SIRT2: variants seen among roughly 807,000 people sequenced by gnomAD.
SIRT2 encodes the protein NAD-dependent protein deacetylase sirtuin-2.
Under a neutral mutation model 57.4 loss-of-function variants are expected in SIRT2, and 40 were observed. That is an observed-to-expected ratio of 0.70 (90% CI 0.54 to 0.91). The LOEUF is 0.91. SIRT2 is among the 40% of genes least tolerant of loss of function. The probability of loss-of-function intolerance (pLI) is 0.00; values close to 1 mark genes in which losing one functional copy is unlikely to be tolerated. For missense variants in SIRT2, 439 were observed against 510.4 expected (o/e 0.86, Z 1.35); for synonymous variants, 161 against 195.7 (o/e 0.82, Z 1.48).
In SIRT2 at chr19:38,879,614, C is replaced by A; in HGVS notation, c.947+18G>T. ...CCCTGTCCCTTCCAGGCTGCCCCAA[C>A]CCCCGGCGGGGCCTCACCTGTAGGC... is the stretch of plus-strand genomic sequence containing the variant. On this transcript the variant is annotated intron_variant, in intron 14 of 15. Transcript: ENST00000249396. 3 of 1,563,030 alleles carry A rather than the reference C, an allele frequency of 1.9e-6. No homozygotes were observed. The highest frequency in any genetic ancestry group is 2.6e-6 in the Non-Finnish European group (3 of 1,153,264).
Position 38,879,629 on chromosome 19 carries a change from C to T in SIRT2, c.947+3G>A. ...GCTGCCCCAACCCCCGGCGGGGCCT[C>T]ACCTGTAGGCCTTCTTGGAGTCAAA... On this transcript the variant is annotated splice_donor_region_variant and intron_variant, in intron 14 of 15. Coordinates refer to ENST00000249396, the MANE Select transcript of SIRT2 (RefSeq NM_012237.4). 6.4e-7 allele frequency: 1 copy of T among 1,568,888 alleles called. No individual in the cohort carries two copies. The highest frequency in any genetic ancestry group is 2.4e-5 in the East Asian group (1 of 42,148).
chr19:38,896,518 T>A (rs1973721979), intron 2 of SIRT2, among the ~76,000 whole-genome samples: 1 of 152,132 alleles, frequency 6.6e-6, no homozygotes, highest in Admixed American at 6.6e-5. Flanking sequence ...CGGCCTCACC[T>A]CGTTTTTCAG....
intron 15 of SIRT2, 60 bp from the exon 16 acceptor site, chr19:38,879,370 C>G: frequency 6.2e-7 from 1 of 1,604,412 alleles, no homozygotes; most frequent in Non-Finnish European, 8.5e-7. Context: ...TCAGAGGACC[C>G]ATGGGGTGGG....
chr19:38,886,656 C>T (rs1973350721), intron 8 of SIRT2, among the ~76,000 whole-genome samples: 1 of 144,692 alleles, frequency 6.9e-6, no homozygotes, highest in Admixed American at 7.1e-5. Flanking sequence ...GAGTCTTGCT[C>T]TGTTGCCCAG....
Position 38,879,450 on chromosome 19 carries a change from T to C in SIRT2, c.998A>G (p.Glu333Gly). The part of the protein sequence containing the change: ...ECDQGCLALA[E>G]LLGWKKELED... Reference sequence around the variant, plus strand: ...GCTCCTCACCTTCCATCCAAGGAGCTCAGCAAGGGCCAGGCAGCCCTGGTC... The same window carrying C: ...GCTCCTCACCTTCCATCCAAGGAGCCCAGCAAGGGCCAGGCAGCCCTGGTC... Residue 333 changes from glutamate to glycine, a missense_variant, in exon 15 of 16, where the codon GAG becomes GGG. By Grantham distance (98) the Glu-to-Gly change is moderately conservative. Transcript: ENST00000249396. The C allele has an allele frequency of 6.3e-7, 1 of 1,597,542 alleles. No individual in the cohort carries two copies. The highest frequency in any genetic ancestry group is 8.5e-7 in the Non-Finnish European group (1 of 1,171,920).
chr19:38,895,813 C>T (rs187022129), intron 2 of SIRT2, among the ~76,000 whole-genome samples: 116 of 152,244 alleles, frequency 7.6e-4, no homozygotes, highest in African/African-American at 2.6e-3. Flanking sequence ...TGGCTCACGC[C>T]TGTAATCCCA....
Position 38,879,279 on chromosome 19 carries a change from T to A in SIRT2, c.1046A>T (p.His349Leu). 6.2e-7 allele frequency: 1 copy of A among 1,613,088 alleles called. No individual in the cohort carries two copies. The change falls in exon 16 of 16, where the codon CAC (histidine) becomes CTC (leucine). Residue 349 changes from histidine (H) to leucine (L), a missense_variant. By Grantham distance (99) the His-to-Leu change is moderately conservative. Coordinates refer to ENST00000249396, the MANE Select transcript of SIRT2 (RefSeq NM_012237.4). ...KELEDLVRREHASIDAQSGAG... is the reference protein window; with the variant it reads ...KELEDLVRRELASIDAQSGAG... ...CCCCGACTGGGCATCTATGCTGGCG[T>A]GCTCCCTCCGGACAAGGTCCTCCAG...
At chr19:38,899,241 G>A (rs775791917) in intron 1 of SIRT2, among the ~76,000 whole-genome samples, 1 of 152,114 alleles carries the variant, frequency 6.6e-6, no homozygotes, top group Non-Finnish European at 1.5e-5. Flanking sequence ...TCTTTGCAGC[G>A]AGGGACCTTA....
chr19:38,890,183 G>T (rs1459123215), intron 4 of SIRT2, 39 bp from the exon 5 acceptor site: 4 of 1,609,844 alleles, frequency 2.5e-6, no homozygotes, highest in Non-Finnish European at 2.6e-6. Context: ...GACACCGTTT[G>T]CTCAGTCCCT....
intron 8 of SIRT2, 138 bp from the exon 9 acceptor site, chr19:38,883,894 T>A: frequency 1.2e-6 from 1 of 838,734 alleles, no homozygotes; most frequent in Non-Finnish European, 1.9e-6. Flanking sequence ...GAGAAGCAAG[T>A]GGCAGGGTTT....
intron 4 of SIRT2, chr19:38,891,793 C>T: frequency 2.2e-6 from 1 of 455,006 alleles, no homozygotes; most frequent in Non-Finnish European, 4.6e-6. Context: ...GAGCCAATTA[C>T]CCCAGAATCC....
chr19:38,881,690 C>T (rs945629702), intron 9 of SIRT2, among the ~76,000 whole-genome samples, 199 bp from the exon 10 acceptor site: 2 of 151,092 alleles, frequency 1.3e-5, no homozygotes, highest in Non-Finnish European at 3.0e-5. Context: ...TTGTTTTTTT[C>T]TTTCTTTTTT....
intron 13 of SIRT2, chr19:38,879,944 A>G: frequency 2.0e-6 from 1 of 495,728 alleles, no homozygotes; most frequent in Non-Finnish European, 3.6e-6. Flanking sequence ...TCCCGCCTCA[A>G]CCTCCCGAGT....
intron 4 of SIRT2, 42 bp from the exon 5 acceptor site, chr19:38,890,186 C>T (rs1038140377): frequency 6.2e-7 from 1 of 1,608,502 alleles, no homozygotes; most frequent in African/African-American, 1.3e-5. Context: ...ACCGTTTGCT[C>T]AGTCCCTACG....
At position 38,888,122 on chromosome 19, in the gene SIRT2, T is replaced by G. The variant is rs533109250; in HGVS notation, c.501+965A>C. 2.0e-5 allele frequency among the ~76,000 whole-genome samples: 3 copies of G among 152,298 alleles called. No homozygotes were observed. In the East Asian group the frequency reaches 5.8e-4, roughly 29 times the overall value. ...GAATTAATACTGTTGTAGTGCATCA[T>G]GTCATTTCTATACATATTCATAAAA... On this transcript the variant is annotated intron_variant, in intron 8 of 15. Transcript: ENST00000249396.
At chr19:38,894,659 C>G (rs4801934) in intron 2 of SIRT2, among the ~76,000 whole-genome samples, 67,839 of 151,422 alleles carry the variant, frequency 0.45, 17,569 homozygotes, top group East Asian at 0.84. Context: ...AAGCCTTGGC[C>G]CTCACTTCAA....
chr19:38,893,644 G>A, intron 3 of SIRT2, 117 bp from the exon 4 acceptor site: 1 of 1,168,668 alleles, frequency 8.6e-7, no homozygotes, highest in Non-Finnish European at 1.2e-6. Flanking sequence ...AAAGGCACAA[G>A]GCCCGGCCCA....
intron 8 of SIRT2, among the ~76,000 whole-genome samples, chr19:38,885,824 C>T (rs1250621175): frequency 6.6e-6 from 1 of 151,676 alleles, no homozygotes; most frequent in Non-Finnish European, 1.5e-5. Context: ...CTCCTGACCT[C>T]GTGATCTGCC....
rs1221880190 is a variant in SIRT2, at chr19:38,880,124, C to G, written c.877-422G>C. On this transcript the variant is annotated intron_variant, in intron 13 of 15. Transcript: ENST00000249396. This position sits in a 1 kb window ranked among gnomAD's most constrained non-coding sequence, Gnocchi z 4.1. ...ACAGGCGTGAGCCATTGCGCCCAGC[C>G]AGCTCAGTGACTTTGGTCAAGTGAC... is the stretch of plus-strand genomic sequence containing the variant. 5.2e-6 allele frequency: 1 copy of G among 193,860 alleles called. No homozygotes were observed. Among genetic ancestry groups the G allele is most frequent in the Non-Finnish European group, 1.1e-5 (1 of 92,874 alleles). The allele number at this position is 193,860 out of a possible 1,614,324, so 12.0% of individuals were successfully genotyped here. A position where few individuals can be genotyped will look rare whatever the true frequency, so the allele number is the denominator to read the frequency against.
Sources: gnomAD v4.1 joint callset for allele counts (sites outside exome capture counted in the v4.1 genomes callset) on GRCh38, gnomAD v4.1.1 for gene constraint, Gnocchi (gnomAD v3.1) non-coding constraint, MANE v1.5 for transcripts, NCBI Gene and HGNC (gene_info 2026-07-23, HGNC 2026-07-21) for gene names.